NPIPB2: variants seen among roughly 807,000 people sequenced by gnomAD.
The protein encoded by NPIPB2 is nuclear pore complex interacting protein family member B2, also known as nuclear pore complex-interacting protein family member B2.
Under a neutral mutation model 30.8 loss-of-function variants are expected in NPIPB2, and 27 were observed. The observed-to-expected ratio is 0.88, with a 90% CI of 0.65 to 1.21. The LOEUF is 1.21. Ranked by LOEUF, NPIPB2 falls within the 50% of genes most tolerant of loss-of-function variation. NPIPB2 has a pLI of 0.00. For synonymous variants in NPIPB2, 147 were observed against 162.0 expected (o/e 0.91, Z 0.70); for missense variants, 440 against 446.2 (o/e 0.99, Z 0.13).
intron 4 of NPIPB2, among the ~76,000 whole-genome samples, chr16:11,932,543 C>T (rs1327726238): frequency 6.6e-6 from 1 of 150,630 alleles, no homozygotes; most frequent in Non-Finnish European, 1.5e-5. Flanking sequence ...ATTGGGAGGC[C>T]GAGGTGTGCG....
At chr16:11,933,782 G>A (rs1193451140) in intron 3 of NPIPB2, 43 bp downstream of exon 3, 2 of 1,594,322 alleles carry the variant, frequency 1.3e-6, no homozygotes, top group Non-Finnish European at 1.7e-6. Context: ...CCTTTCCAGG[G>A]CAAACTCATT....
At chr16:11,937,184 C>T (rs3895655) in intron 2 of NPIPB2, among the ~76,000 whole-genome samples, 14 of 152,178 alleles carry the variant, frequency 9.2e-5, no homozygotes, top group Non-Finnish European at 1.8e-4. Flanking sequence ...AGAGACGAGA[C>T]TGGAAGCTTT....
chr16:11,963,481 C>T (rs1253671283), intron 1 of NPIPB2, among the ~76,000 whole-genome samples: 1 of 151,820 alleles, frequency 6.6e-6, no homozygotes, highest in African/African-American at 2.4e-5. Flanking sequence ...CTCCTTGGGC[C>T]TTAAGAAAGT....
intron 1 of NPIPB2, among the ~76,000 whole-genome samples, chr16:11,957,384 C>G (rs2055120747): frequency 6.6e-6 from 1 of 152,018 alleles, no homozygotes; most frequent in South Asian, 2.1e-4. Flanking sequence ...AGGATGGTCT[C>G]CATCTCCTGA....
intron 1 of NPIPB2, among the ~76,000 whole-genome samples, chr16:11,951,966 T>C (rs917107251): frequency 6.6e-6 from 1 of 152,104 alleles, no homozygotes; most frequent in African/African-American, 2.4e-5. Context: ...GAGACCATTC[T>C]GATTAACACG....
intron 1 of NPIPB2, among the ~76,000 whole-genome samples, chr16:11,938,051 C>T (rs566836289): frequency 1.3e-4 from 20 of 152,372 alleles, no homozygotes; most frequent in Admixed American, 9.1e-4. Flanking sequence ...TTCCGCTCCA[C>T]TCAGTCGCCC....
At chr16:11,957,981 C>G (rs1019895606) in intron 1 of NPIPB2, among the ~76,000 whole-genome samples, 1 of 152,190 alleles carries the variant, frequency 6.6e-6, no homozygotes, top group South Asian at 2.1e-4. Context: ...CAGAATCCCC[C>G]ACACATCCTG....
At chr16:11,956,190 C>T (rs1337482368) in intron 1 of NPIPB2, 1 of 152,256 alleles carries the variant, frequency 6.6e-6, no homozygotes, top group Non-Finnish European at 1.5e-5. Context: ...CTCTATTTCA[C>T]AGCACAGGTC....
At chr16:11,958,212 G>A (rs2055126800) in intron 1 of NPIPB2, among the ~76,000 whole-genome samples, 1 of 152,036 alleles carries the variant, frequency 6.6e-6, no homozygotes, top group South Asian at 2.1e-4. Flanking sequence ...GATCACCTGA[G>A]GTCAGGAGTT....
At chr16:11,951,677 A>AAAC (rs1352696486) in intron 1 of NPIPB2, among the ~76,000 whole-genome samples, 3 of 102,970 alleles carry the variant, frequency 2.9e-5, no homozygotes. Flanking sequence ...CCCAGCCCCC[A>AAAC]AACAACAAAA....
At chr16:11,948,472 T>C (rs2055032914) in intron 1 of NPIPB2, among the ~76,000 whole-genome samples, 2 of 152,036 alleles carry the variant, frequency 1.3e-5, no homozygotes, top group Non-Finnish European at 2.9e-5. Context: ...GTGGAGTGTG[T>C]AAAATGGAAA....
intron 1 of NPIPB2, among the ~76,000 whole-genome samples, chr16:11,971,499 CTTTT>C (rs988475574): frequency 2.0e-5 from 3 of 149,384 alleles, no homozygotes; most frequent in African/African-American, 7.5e-5. Context: ...GATTTTCTTT[CTTTT>C]TTATTTTTTT....
chr16:11,933,692 G>A, exon 4 of NPIPB2: 1 of 1,596,882 alleles, frequency 6.3e-7, no homozygotes, highest in Non-Finnish European at 8.5e-7. Context: ...TTCTTTGTGT[G>A]CATACAAATG....
chr16:11,931,618 T>G (rs1265048985), intron 4 of NPIPB2, among the ~76,000 whole-genome samples: 2 of 150,842 alleles, frequency 1.3e-5, no homozygotes, highest in Non-Finnish European at 3.0e-5. Flanking sequence ...TTAATGCAAA[T>G]GAGAAGCCAG....
chr16:11,971,092 A>G (rs1244922403), intron 1 of NPIPB2, among the ~76,000 whole-genome samples: 1 of 143,220 alleles, frequency 7.0e-6, no homozygotes, highest in Non-Finnish European at 1.5e-5. Flanking sequence ...CCTGGGCTCA[A>G]GCGATCCTCC....
intron 1 of NPIPB2, among the ~76,000 whole-genome samples, chr16:11,960,100 A>C (rs1392812295): frequency 6.6e-6 from 1 of 151,854 alleles, no homozygotes; most frequent in African/African-American, 2.4e-5. Flanking sequence ...TCACTTAGTG[A>C]TTTATCTTTC....
chr16:11,964,975 T>A (rs11570136), intron 1 of NPIPB2: 106,108 of 341,194 alleles, frequency 0.31, 19,342 homozygotes, highest in East Asian at 0.59. Context: ...TTACTGAACA[T>A]TCGGCTTGAT....
intron 1 of NPIPB2, among the ~76,000 whole-genome samples, chr16:11,941,003 G>T (rs977842904): frequency 6.8e-6 from 1 of 146,592 alleles, no homozygotes; most frequent in Non-Finnish European, 1.5e-5. Flanking sequence ...GTAGAGATGG[G>T]GTTTCGCTAT....
At chr16:11,936,205 G>C (rs1412051046) in intron 2 of NPIPB2, among the ~76,000 whole-genome samples, 1 of 149,184 alleles carries the variant, frequency 6.7e-6, no homozygotes, top group Non-Finnish European at 1.5e-5. Flanking sequence ...TTGAGAGGCT[G>C]AGGCAGGGGA....
Sources: allele counts gnomAD v4.1 joint callset (sites outside exome capture counted in the v4.1 genomes callset), GRCh38; gene constraint gnomAD v4.1.1; transcripts MANE v1.5; gene names NCBI Gene and HGNC (gene_info 2026-07-23, HGNC 2026-07-21).